The following MNAT1 variants were observed in gnomAD, a reference collection of about 807,000 sequenced individuals.
MNAT1 encodes CDK-activating kinase assembly factor MAT1.
A neutral mutation model predicts 42.0 loss-of-function variants in MNAT1; 43 were observed. The observed-to-expected ratio is 1.02, with a 90% confidence interval of 0.80 to 1.32. MNAT1 has a LOEUF of 1.32. MNAT1 is among the 40% of genes most tolerant of loss of function. MNAT1 has a pLI of 0.00. For synonymous variants in MNAT1, 118 were observed against 120.0 expected (o/e 0.98, Z 0.11); for missense variants, 306 against 350.4 (o/e 0.87, Z 1.01).
At chr14:60,769,278 T>C (rs923492810) in intron 1 of MNAT1, among the ~76,000 whole-genome samples, 2 of 152,076 alleles carry the variant, frequency 1.3e-5, no homozygotes, top group South Asian at 2.1e-4. Context: ...TTTTAAGATA[T>C]ATTTTAAAAA....
At chr14:60,908,004 G>C (rs1017100323) in intron 7 of MNAT1, among the ~76,000 whole-genome samples, 2 of 152,016 alleles carry the variant, frequency 1.3e-5, no homozygotes, top group Non-Finnish European at 2.9e-5. Flanking sequence ...AGGTGACTAT[G>C]AGCAGAGATA....
At chr14:60,905,147 G>A (rs929293181) in intron 7 of MNAT1, among the ~76,000 whole-genome samples, 1 of 151,914 alleles carries the variant, frequency 6.6e-6, no homozygotes, top group African/African-American at 2.4e-5. Context: ...TCTGGGTGCT[G>A]AGAAAACAGT....
intron 5 of MNAT1, 143 bp from the exon 6 acceptor site, chr14:60,818,578 TA>T (rs1381302848): frequency 5.6e-6 from 3 of 539,860 alleles, no homozygotes; most frequent in African/African-American, 3.9e-5. Flanking sequence ...GGAATGTTAA[TA>T]TTTTTTGTAA....
chr14:60,933,023 C>A (rs967081472), intron 7 of MNAT1, among the ~76,000 whole-genome samples: 35 of 152,050 alleles, frequency 2.3e-4, no homozygotes, highest in African/African-American at 7.5e-4. Flanking sequence ...TGGTTTATAA[C>A]CCTAGGCAGG....
intron 1 of MNAT1, among the ~76,000 whole-genome samples, chr14:60,744,778 C>A (rs1221157681): frequency 6.6e-6 from 1 of 152,058 alleles, no homozygotes; most frequent in Non-Finnish European, 1.5e-5. Context: ...CTAGAATATG[C>A]CTTATTCTAG....
chr14:60,897,633 A>T (rs76564589), intron 7 of MNAT1, among the ~76,000 whole-genome samples: 9,252 of 152,154 alleles, frequency 0.061, 355 homozygotes, highest in South Asian at 0.11. Flanking sequence ...AATATTTTAC[A>T]TATTTATGGG....
At chr14:60,961,989 A>T (rs551447003) in intron 7 of MNAT1, among the ~76,000 whole-genome samples, 2 of 152,308 alleles carry the variant, frequency 1.3e-5, no homozygotes, top group East Asian at 3.9e-4. Context: ...TATAATATCT[A>T]CTGAATTTCC....
intron 7 of MNAT1, among the ~76,000 whole-genome samples, chr14:60,921,940 T>G (rs1346938902): frequency 6.6e-6 from 1 of 152,180 alleles, no homozygotes; most frequent in Non-Finnish European, 1.5e-5. Context: ...ATTCTTTAAT[T>G]TCACTTTTCA....
At chr14:60,899,111 T>A (rs553025501) in intron 7 of MNAT1, among the ~76,000 whole-genome samples, 3 of 152,168 alleles carry the variant, frequency 2.0e-5, no homozygotes, top group African/African-American at 2.4e-5. Context: ...GTTCCACTGA[T>A]CTTGTAGAAT....
chr14:60,744,192 C>G (rs1896550880), intron 1 of MNAT1, among the ~76,000 whole-genome samples: 1 of 151,596 alleles, frequency 6.6e-6, no homozygotes, highest in Non-Finnish European at 1.5e-5. Flanking sequence ...AGTGCAGTGG[C>G]ATGATCTTGG....
chr14:60,890,164 C>A (rs10147575), intron 7 of MNAT1, among the ~76,000 whole-genome samples: 143,010 of 152,174 alleles, frequency 0.94, 67,525 homozygotes, highest in Non-Finnish European at 0.99. Context: ...ATGTTTATTG[C>A]GGCACTATTC....
At chr14:60,746,921 TATACACACACACACACACACACAC>T (rs1260195330) in intron 1 of MNAT1, among the ~76,000 whole-genome samples, 6 of 41,598 alleles carry the variant, frequency 1.4e-4, no homozygotes, top group Admixed American at 8.6e-4. Flanking sequence ...TATATATATA[TATACACACACACACACACACACAC>T]ACACACACAC....
At chr14:60,794,050 A>G (rs543594318) in intron 1 of MNAT1, among the ~76,000 whole-genome samples, 78 of 152,314 alleles carry the variant, frequency 5.1e-4, no homozygotes, top group African/African-American at 1.8e-3. Flanking sequence ...TTAATGTTCT[A>G]TATTACCTTG....
intron 7 of MNAT1, among the ~76,000 whole-genome samples, chr14:60,946,874 G>C (rs2036287028): frequency 6.6e-6 from 1 of 152,202 alleles, no homozygotes; most frequent in African/African-American, 2.4e-5. Flanking sequence ...AACAATAGAA[G>C]TCTATTTCTC....
At chr14:60,901,201 A>G (rs1193657421) in intron 7 of MNAT1, among the ~76,000 whole-genome samples, 2 of 152,074 alleles carry the variant, frequency 1.3e-5, no homozygotes, top group African/African-American at 2.4e-5. Flanking sequence ...TGTGCTTTAT[A>G]AATGGAATGA....
chr14:60,957,041 A>G (rs2036499396), intron 7 of MNAT1, among the ~76,000 whole-genome samples: 1 of 151,914 alleles, frequency 6.6e-6, no homozygotes. Context: ...ATGGTGTTGT[A>G]GTTATTTGGT....
intron 6 of MNAT1, among the ~76,000 whole-genome samples, chr14:60,851,177 T>C (rs1407004456): frequency 6.6e-6 from 1 of 152,148 alleles, no homozygotes; most frequent in Non-Finnish European, 1.5e-5. Flanking sequence ...GTAAAGTAAG[T>C]CAAAGCCTTG....
chr14:60,847,047 T>C (rs772300360), intron 6 of MNAT1, among the ~76,000 whole-genome samples: 2 of 152,248 alleles, frequency 1.3e-5, no homozygotes, highest in African/African-American at 4.8e-5. Context: ...TATATCTTCA[T>C]GATATTGACC....
chr14:60,820,426 C>G (rs115510718), intron 6 of MNAT1, among the ~76,000 whole-genome samples: 1 of 151,928 alleles, frequency 6.6e-6, no homozygotes, highest in Non-Finnish European at 1.5e-5. Context: ...TGTGTAGCAG[C>G]TGCTCCTATT....
Sources: gnomAD v4.1 joint callset for allele counts (sites outside exome capture counted in the v4.1 genomes callset) on GRCh38, gnomAD v4.1.1 for gene constraint, MANE v1.5 for transcripts, NCBI Gene and HGNC (gene_info 2026-07-23, HGNC 2026-07-21) for gene names.